The following NTM variants were observed in gnomAD, a reference collection of about 807,000 sequenced individuals.
The protein encoded by NTM is IgLON family member 2.
Under a neutral mutation model 42.1 loss-of-function variants are expected in NTM, and 13 were observed. The observed-to-expected ratio is 0.31, with a 90% CI of 0.20 to 0.49. The LOEUF is 0.49. Among genes scored for constraint, NTM ranks in the 20% least tolerant of loss-of-function variants. The pLI, the probability that NTM is intolerant of heterozygous loss-of-function variation, is 0.99. For synonymous variants in NTM, 187 were observed against 179.2 expected, an observed-to-expected ratio of 1.04 and a Z score of -0.35; for missense variants, 373 against 452.8, an observed-to-expected ratio of 0.82 and a Z score of 1.60.
intron 1 of NTM, among the ~76,000 whole-genome samples, chr11:131,866,860 G>C (rs1214368848): frequency 6.6e-6 from 1 of 152,104 alleles, no homozygotes; most frequent in Non-Finnish European, 1.5e-5. Context: ...TTTGAACCTA[G>C]GATTCTTTAG....
At chr11:131,989,218 A>G (rs1233189212) in intron 2 of NTM, among the ~76,000 whole-genome samples, 2 of 152,184 alleles carry the variant, frequency 1.3e-5, no homozygotes, top group African/African-American at 4.8e-5. Context: ...GTCTTCCAAA[A>G]AGTAGCTGCT....
At chr11:131,736,039 G>A (rs977389629) in intron 1 of NTM, among the ~76,000 whole-genome samples, 1 of 152,030 alleles carries the variant, frequency 6.6e-6, no homozygotes, top group Admixed American at 6.6e-5. Context: ...TGCCATGTTG[G>A]CCAGGCTGGT....
At chr11:131,604,169 C>T (rs952213317) in intron 1 of NTM, among the ~76,000 whole-genome samples, 4 of 152,182 alleles carry the variant, frequency 2.6e-5, no homozygotes, top group African/African-American at 9.7e-5. Flanking sequence ...TCCAATTCTT[C>T]GAATCCTCCT....
intron 1 of NTM, among the ~76,000 whole-genome samples, chr11:131,747,358 C>G (rs1033626187): frequency 6.6e-6 from 1 of 152,216 alleles, no homozygotes; most frequent in Admixed American, 6.5e-5. Flanking sequence ...AAGCTGTTCT[C>G]TCTTCCAGTT....
intron 1 of NTM, among the ~76,000 whole-genome samples, chr11:131,750,141 C>A (rs2082304168): frequency 6.6e-6 from 1 of 152,328 alleles, no homozygotes; most frequent in East Asian, 1.9e-4. Flanking sequence ...CTAACGTTAT[C>A]ATTTCTCTCT....
intron 1 of NTM, among the ~76,000 whole-genome samples, chr11:131,434,948 T>A (rs1397643716): frequency 6.6e-6 from 1 of 152,352 alleles, no homozygotes; most frequent in East Asian, 1.9e-4. Context: ...CTTTAATCCA[T>A]CTTGAATTTA....
intron 3 of NTM, among the ~76,000 whole-genome samples, chr11:132,196,483 A>G (rs2080233177): frequency 6.6e-6 from 1 of 152,152 alleles, no homozygotes; most frequent in Non-Finnish European, 1.5e-5. Flanking sequence ...TAAAAAAAAA[A>G]TACACTCATA....
intron 1 of NTM, among the ~76,000 whole-genome samples, chr11:131,439,805 A>G (rs1467928528): frequency 6.6e-6 from 1 of 152,030 alleles, no homozygotes; most frequent in Non-Finnish European, 1.5e-5. Flanking sequence ...CTCACCCTCC[A>G]TGGGCTGCAC....
chr11:131,536,147 G>A (rs1215188620), intron 1 of NTM: 3 of 152,342 alleles, frequency 2.0e-5, no homozygotes, highest in Middle Eastern at 3.4e-3. Flanking sequence ...GCCATAGGAG[G>A]AGGGTTCTTG....
intron 1 of NTM, among the ~76,000 whole-genome samples, chr11:131,890,407 C>T (rs566482814): frequency 6.6e-6 from 1 of 152,164 alleles, no homozygotes; most frequent in Non-Finnish European, 1.5e-5. Context: ...AGGCAGCCTC[C>T]TGTAATAACC....
At chr11:132,112,374 G>A (rs1483200225) in intron 2 of NTM, among the ~76,000 whole-genome samples, 4 of 151,886 alleles carry the variant, frequency 2.6e-5, no homozygotes, top group Admixed American at 1.3e-4. Context: ...AATTTCTAAG[G>A]AAGAAAGAAA....
intron 1 of NTM, among the ~76,000 whole-genome samples, chr11:131,555,972 AGAG>A (rs2136952690): frequency 6.6e-6 from 1 of 152,298 alleles, no homozygotes; most frequent in East Asian, 1.9e-4. Flanking sequence ...TTTATGACCG[AGAG>A]GAAGTTAACC....
chr11:131,703,607 C>A (rs1401187581), intron 1 of NTM, among the ~76,000 whole-genome samples: 1 of 152,172 alleles, frequency 6.6e-6, no homozygotes, highest in Non-Finnish European at 1.5e-5. Context: ...CTGCTTGGAA[C>A]AATGCACACA....
intron 1 of NTM, among the ~76,000 whole-genome samples, chr11:131,561,972 T>C (rs1439800911): frequency 6.6e-6 from 1 of 152,256 alleles, no homozygotes; most frequent in South Asian, 2.1e-4. Context: ...ATAAAGAAAT[T>C]TGGAAGCCAC....
At position 132,336,364 on chromosome 11, in the gene NTM, A is replaced by G. The variant is rs1160971201; in HGVS notation, c.*1218A>G. On this transcript the variant is annotated 3_prime_UTR_variant, in exon 9 of 9. Coordinates refer to ENST00000683400, the MANE Select transcript of NTM (RefSeq NM_001352005.2). The stretch of plus-strand genomic sequence containing the variant: ...TTTTCTTGGGTTATTTACATGTCAG[A>G]GACATTTATAAAAAGTGAAAGGATA... 3.9e-5 allele frequency: 6 copies of G among 151,972 alleles called. No individual in the cohort carries two copies. The highest frequency in any genetic ancestry group is 7.4e-5 in the Non-Finnish European group (5 of 67,930). 9.4% of individuals were successfully genotyped at this position (151,972 alleles called of 1,614,324 possible). A position where few individuals can be genotyped will look rare whatever the true frequency, so the allele number is the denominator to read the frequency against.
At chr11:131,626,098 T>C (rs1465984600) in intron 1 of NTM, among the ~76,000 whole-genome samples, 1 of 152,164 alleles carries the variant, frequency 6.6e-6, no homozygotes, top group Admixed American at 6.5e-5. Context: ...AATTTATTTA[T>C]TAAAATAAAT....
chr11:131,696,253 C>T (rs1050556923), intron 1 of NTM, among the ~76,000 whole-genome samples: 2 of 152,246 alleles, frequency 1.3e-5, no homozygotes, highest in African/African-American at 2.4e-5. Flanking sequence ...CAGCACAGGA[C>T]GCACCCGGGG....
At chr11:132,007,802 G>T (rs983014923) in intron 2 of NTM, among the ~76,000 whole-genome samples, 1 of 152,104 alleles carries the variant, frequency 6.6e-6, no homozygotes, top group African/African-American at 2.4e-5. Context: ...TCTCAGGTCA[G>T]CTAAAACACA....
At chr11:131,746,365 C>T (rs2081829210) in intron 1 of NTM, among the ~76,000 whole-genome samples, 1 of 152,052 alleles carries the variant, frequency 6.6e-6, no homozygotes, top group African/African-American at 2.4e-5. Flanking sequence ...AAAACATTGC[C>T]CAATGGGGAG....
Sources: allele counts gnomAD v4.1 joint callset (sites outside exome capture counted in the v4.1 genomes callset), GRCh38; gene constraint gnomAD v4.1.1; transcripts MANE v1.5; gene names NCBI Gene and HGNC (gene_info 2026-07-23, HGNC 2026-07-21).